GALNT13: variants seen among roughly 807,000 people sequenced by gnomAD.
GALNT13 encodes the protein UDP-GalNAc:polypeptide N-acetylgalactosaminyltransferase 13.
In GALNT13, 28 loss-of-function variants were observed where a neutral mutation model predicts 64.2. The ratio of observed to expected loss-of-function variants is 0.44; its 90% CI spans 0.32 to 0.60. The LOEUF (loss-of-function observed/expected upper bound fraction) is 0.60, where lower values mean the gene tolerates loss of function less well. Among genes scored for constraint, GALNT13 ranks in the 20% least tolerant of loss-of-function variants. The pLI is 0.05. For synonymous variants in GALNT13, 214 were observed against 224.6 expected (o/e 0.95, Z 0.42); for missense variants, 577 against 669.8 (o/e 0.86, Z 1.53).
intron 10 of GALNT13, among the ~76,000 whole-genome samples, chr2:154,404,087 C>G (rs1347436477): frequency 1.3e-5 from 2 of 152,118 alleles, no homozygotes; most frequent in Non-Finnish European, 2.9e-5. Context: ...CTGTCTATTG[C>G]TATTCTCCCA....
At chr2:153,207,270 CA>C in the GALNT13 span, among the ~76,000 whole-genome samples, 1 of 152,058 alleles carries the variant, frequency 6.6e-6, no homozygotes, top group East Asian at 1.9e-4. Flanking sequence ...ATGCGTTTTA[CA>C]TATTTATCAG....
chr2:153,189,385 G>T, the GALNT13 span, among the ~76,000 whole-genome samples: 45 of 152,256 alleles, frequency 3.0e-4, no homozygotes, highest in African/African-American at 9.9e-4. Flanking sequence ...CATCCATGTT[G>T]CTGCAAATGA....
intron 8 of GALNT13, among the ~76,000 whole-genome samples, chr2:154,280,573 G>A (rs976990837): frequency 1.3e-5 from 2 of 152,216 alleles, no homozygotes; most frequent in African/African-American, 4.8e-5. Context: ...GACATTTACA[G>A]ATGGAGAGAC....
chr2:153,552,390 C>T, the GALNT13 span, among the ~76,000 whole-genome samples: 3 of 152,038 alleles, frequency 2.0e-5, no homozygotes, highest in African/African-American at 7.2e-5. Context: ...AGGACAATTG[C>T]AAGGACGATG....
chr2:154,419,414 G>C (rs909854031), intron 11 of GALNT13, among the ~76,000 whole-genome samples: 2 of 152,102 alleles, frequency 1.3e-5, no homozygotes, highest in Non-Finnish European at 2.9e-5. Context: ...CTGTTTTTTA[G>C]ATTTATCTTT....
chr2:153,720,430 C>A, the GALNT13 span, among the ~76,000 whole-genome samples: 2 of 151,874 alleles, frequency 1.3e-5, no homozygotes, highest in South Asian at 4.2e-4. Flanking sequence ...GAACGCAGTT[C>A]CTCACCAGCA....
the GALNT13 span, among the ~76,000 whole-genome samples, chr2:153,168,242 T>C: frequency 3.1e-4 from 47 of 152,212 alleles, no homozygotes; most frequent in African/African-American, 1.1e-3. Flanking sequence ...ACAGAGACTA[T>C]TTCTAAATTC....
the GALNT13 span, among the ~76,000 whole-genome samples, chr2:153,250,015 A>G: frequency 6.6e-6 from 1 of 152,216 alleles, no homozygotes; most frequent in African/African-American, 2.4e-5. Flanking sequence ...AGCAACTGCA[A>G]CAGAAGCTAA....
the GALNT13 span, among the ~76,000 whole-genome samples, chr2:153,602,180 A>T: frequency 1.3e-5 from 2 of 151,866 alleles, no homozygotes; most frequent in Non-Finnish European, 2.9e-5. Context: ...ATCATGCTTT[A>T]TGTTTCCAGT....
the GALNT13 span, among the ~76,000 whole-genome samples, chr2:153,416,747 C>G: frequency 6.6e-6 from 1 of 152,104 alleles, no homozygotes; most frequent in Non-Finnish European, 1.5e-5. Flanking sequence ...CCAGATACTC[C>G]TCTATGTGAT....
intron 1 of GALNT13, among the ~76,000 whole-genome samples, chr2:153,893,122 G>C (rs1687659913): frequency 6.6e-6 from 1 of 152,030 alleles, no homozygotes; most frequent in Non-Finnish European, 1.5e-5. Context: ...ACTACATTTT[G>C]AACAGGCGAA....
At chr2:153,111,517 C>A in the GALNT13 span, among the ~76,000 whole-genome samples, 1 of 151,946 alleles carries the variant, frequency 6.6e-6, no homozygotes, top group Non-Finnish European at 1.5e-5. Context: ...GTGAGAGGAG[C>A]AATTTGGTGA....
intron 9 of GALNT13, among the ~76,000 whole-genome samples, chr2:154,348,447 T>C (rs1696194976): frequency 6.6e-6 from 1 of 152,110 alleles, no homozygotes; most frequent in East Asian, 1.9e-4. Flanking sequence ...GTTTTAAGTA[T>C]ACTTTCTATT....
chr2:154,403,758 G>A (rs1406740251), intron 10 of GALNT13, among the ~76,000 whole-genome samples: 1 of 152,090 alleles, frequency 6.6e-6, no homozygotes, highest in African/African-American at 2.4e-5. Flanking sequence ...CTGTTGTCTA[G>A]ATAACCTCTG....
At chr2:153,677,284 TACACACACACACACACACACAC>T in the GALNT13 span, among the ~76,000 whole-genome samples, 5 of 144,666 alleles carry the variant, frequency 3.5e-5, no homozygotes, top group African/African-American at 2.6e-5. Context: ...ACAATAGACA[TACACACACACACACACACACAC>T]ACACACACAC....
chr2:153,827,423 A>T, the GALNT13 span, among the ~76,000 whole-genome samples: 6 of 152,132 alleles, frequency 3.9e-5, no homozygotes, highest in African/African-American at 1.4e-4. Context: ...GGAGATCGAG[A>T]CCATCCTGGC....
intron 3 of GALNT13, among the ~76,000 whole-genome samples, chr2:154,127,670 A>G (rs531112525): frequency 6.0e-5 from 9 of 149,698 alleles, no homozygotes; most frequent in African/African-American, 2.2e-4. Context: ...ATATATGGTC[A>G]TACATATAGT....
At chr2:153,843,247 C>T in the GALNT13 span, among the ~76,000 whole-genome samples, 3 of 152,280 alleles carry the variant, frequency 2.0e-5, no homozygotes, top group East Asian at 5.8e-4. Context: ...CTAGAAAGGC[C>T]TGAGGAAGCT....
the GALNT13 span, among the ~76,000 whole-genome samples, chr2:153,718,658 C>T: frequency 2.0e-5 from 3 of 152,028 alleles, no homozygotes; most frequent in Non-Finnish European, 2.9e-5. Flanking sequence ...GGTGTCAGGA[C>T]GGAGCATTAG....
Sources: gnomAD v4.1 joint callset for allele counts (sites outside exome capture counted in the v4.1 genomes callset) on GRCh38, gnomAD v4.1.1 for gene constraint, MANE v1.5 for transcripts, NCBI Gene and HGNC (gene_info 2026-07-23, HGNC 2026-07-21) for gene names.